NKAIN3: variants seen among roughly 807,000 people sequenced by gnomAD.
The protein encoded by NKAIN3 is sodium/potassium transporting ATPase interacting 3.
Under a neutral mutation model 30.2 loss-of-function variants are expected in NKAIN3, and 25 were observed. That is an observed-to-expected ratio of 0.83 (90% CI 0.60 to 1.16). NKAIN3 has a LOEUF of 1.16. NKAIN3 is among the 50% of genes most tolerant of loss of function. The pLI is 0.00. For missense variants in NKAIN3, 225 were observed against 254.1 expected (o/e 0.89, Z 0.78); for synonymous variants, 91 against 89.6 (o/e 1.02, Z -0.09).
chr8:62,755,765 G>T (rs1002747964), intron 4 of NKAIN3, among the ~76,000 whole-genome samples: 1 of 152,060 alleles, frequency 6.6e-6, no homozygotes, highest in African/African-American at 2.4e-5. Flanking sequence ...ACCATCTCTG[G>T]TCTCTATATT....
chr8:62,268,760 A>C (rs752033621), intron 1 of NKAIN3, among the ~76,000 whole-genome samples: 1 of 152,156 alleles, frequency 6.6e-6, no homozygotes, highest in Non-Finnish European at 1.5e-5. Flanking sequence ...CTGAGATTCC[A>C]ACCTAACACC....
intron 5 of NKAIN3, among the ~76,000 whole-genome samples, chr8:62,950,744 G>A (rs1002752290): frequency 3.9e-5 from 6 of 152,114 alleles, no homozygotes; most frequent in African/African-American, 1.4e-4. Flanking sequence ...TCCTAATTTG[G>A]TTAAAACAGT....
chr8:62,264,136 G>A (rs562808190), intron 1 of NKAIN3, among the ~76,000 whole-genome samples: 11 of 152,234 alleles, frequency 7.2e-5, no homozygotes, highest in African/African-American at 2.6e-4. Flanking sequence ...AAGCTAATTT[G>A]GAAATAGTTC....
At chr8:62,600,016 A>T (rs1001302854) in intron 3 of NKAIN3, among the ~76,000 whole-genome samples, 2 of 152,080 alleles carry the variant, frequency 1.3e-5, no homozygotes, top group African/African-American at 4.8e-5. Context: ...CTTAAAGATA[A>T]AGAACCCAAG....
At chr8:62,259,601 A>C (rs1812368950) in intron 1 of NKAIN3, among the ~76,000 whole-genome samples, 1 of 152,198 alleles carries the variant, frequency 6.6e-6, no homozygotes, top group African/African-American at 2.4e-5. Context: ...TTTTAATGTG[A>C]TATGTTTTGC....
intron 4 of NKAIN3, among the ~76,000 whole-genome samples, chr8:62,874,681 T>G (rs1181913945): frequency 6.6e-6 from 1 of 152,194 alleles, no homozygotes; most frequent in Admixed American, 6.5e-5. Context: ...TCAATAAATA[T>G]AATCCATCAC....
chr8:62,432,656 T>A (rs150880893), intron 1 of NKAIN3, among the ~76,000 whole-genome samples: 3 of 152,204 alleles, frequency 2.0e-5, no homozygotes, highest in African/African-American at 7.2e-5. Flanking sequence ...AAGAGATGCA[T>A]CCCAGTCTAA....
chr8:62,790,801 C>T (rs1219518011), intron 4 of NKAIN3, among the ~76,000 whole-genome samples: 1 of 152,022 alleles, frequency 6.6e-6, no homozygotes, highest in Non-Finnish European at 1.5e-5. Flanking sequence ...GTGCTACTCA[C>T]AGTGATGGGT....
intron 4 of NKAIN3, among the ~76,000 whole-genome samples, chr8:62,809,617 A>G (rs530329082): frequency 6.6e-6 from 1 of 152,338 alleles, no homozygotes; most frequent in East Asian, 1.9e-4. Flanking sequence ...TTAAGTGGTT[A>G]CACTACTACT....
At chr8:62,686,828 T>C (rs1309451096) in intron 3 of NKAIN3, among the ~76,000 whole-genome samples, 2 of 152,196 alleles carry the variant, frequency 1.3e-5, no homozygotes, top group Non-Finnish European at 2.9e-5. Flanking sequence ...ATTATAAATA[T>C]ATTAAGTAAA....
chr8:62,417,197 A>G (rs1288883921), intron 1 of NKAIN3, among the ~76,000 whole-genome samples: 1 of 151,868 alleles, frequency 6.6e-6, no homozygotes, highest in East Asian at 1.9e-4. Context: ...GATTTTTTAG[A>G]TCCCACAAGT....
At chr8:62,679,623 A>G (rs1813589999) in intron 3 of NKAIN3, among the ~76,000 whole-genome samples, 1 of 152,182 alleles carries the variant, frequency 6.6e-6, no homozygotes. Context: ...TGGAATCATG[A>G]CAGAAGGTGA....
At chr8:62,729,605 A>G (rs1815404330) in intron 3 of NKAIN3, among the ~76,000 whole-genome samples, 1 of 152,036 alleles carries the variant, frequency 6.6e-6, no homozygotes, top group Non-Finnish European at 1.5e-5. Flanking sequence ...GACATATGAT[A>G]TATTATATAT....
chr8:62,995,303 A>T (rs1007202899), intron 5 of NKAIN3, among the ~76,000 whole-genome samples: 1 of 152,218 alleles, frequency 6.6e-6, no homozygotes, highest in African/African-American at 2.4e-5. Context: ...GATATTTCAA[A>T]TGTCTGTCCT....
chr8:62,637,787 A>T (rs984273020), intron 3 of NKAIN3, among the ~76,000 whole-genome samples: 2 of 152,116 alleles, frequency 1.3e-5, no homozygotes, highest in African/African-American at 4.8e-5. Context: ...CCCACACATG[A>T]GAGTGAGGCC....
intron 4 of NKAIN3, among the ~76,000 whole-genome samples, chr8:62,872,994 A>G (rs1820691454): frequency 6.6e-6 from 1 of 152,200 alleles, no homozygotes; most frequent in South Asian, 2.1e-4. Context: ...TAATGACAGG[A>G]TCAAATTCAC....
rs115893724 is a variant in NKAIN3 at position 62,666,920 on chromosome 8, A to G, written c.273+77126A>G. Among the ~76,000 whole-genome samples the G allele has an allele frequency of 4.8e-3, 736 of 152,182 alleles. 7 individuals carry two copies. The highest frequency in any genetic ancestry group is 0.017 in the African/African-American group (702 of 41,528). ...TTCTTTCCTCTGATGCACATGCCCA[A>G]TTACAACCTAAATTCCCTCTATCTC... On this transcript the variant is annotated intron_variant, in intron 3 of 6. Coordinates refer to ENST00000623646, the MANE Select transcript of NKAIN3 (RefSeq NM_001304533.3).
chr8:62,515,885 T>C (rs1339517307), intron 1 of NKAIN3, among the ~76,000 whole-genome samples: 1 of 152,148 alleles, frequency 6.6e-6, no homozygotes, highest in Non-Finnish European at 1.5e-5. Context: ...TATATTTAAA[T>C]TACTTGCTTA....
At chr8:62,666,576 T>C (rs1302706855) in intron 3 of NKAIN3, among the ~76,000 whole-genome samples, 1 of 152,164 alleles carries the variant, frequency 6.6e-6, no homozygotes, top group Non-Finnish European at 1.5e-5. Flanking sequence ...GATTTTTTTC[T>C]TATACTAAAT....
Sources: gnomAD v4.1 joint callset for allele counts (sites outside exome capture counted in the v4.1 genomes callset) on GRCh38, gnomAD v4.1.1 for gene constraint, MANE v1.5 for transcripts, NCBI Gene and HGNC (gene_info 2026-07-23, HGNC 2026-07-21) for gene names.